KCNQ1: variants seen among roughly 807,000 people sequenced by gnomAD.
KCNQ1 encodes potassium voltage-gated channel subfamily Q member 1.
KCNQ1 carries 49 observed loss-of-function variants against 72.4 expected under a neutral mutation model. The observed-to-expected ratio is 0.68, with a 90% CI of 0.54 to 0.86. KCNQ1 has a LOEUF of 0.86. KCNQ1 is among the 40% of genes least tolerant of loss of function. The pLI is 0.00. For missense variants in KCNQ1, 790 were observed against 945.1 expected (o/e 0.84, Z 2.15); for synonymous variants, 450 against 412.6 (o/e 1.09, Z -1.10).
intron 10 of KCNQ1, among the ~76,000 whole-genome samples, chr11:2,605,048 C>T (rs762666286): frequency 2.6e-5 from 4 of 152,202 alleles, no homozygotes; most frequent in South Asian, 2.1e-4. Flanking sequence ...TGACTACTCA[C>T]GTTGAGCATC....
intron 12 of KCNQ1, among the ~76,000 whole-genome samples, chr11:2,774,543 C>A (rs979423498): frequency 1.3e-5 from 2 of 152,192 alleles, no homozygotes; most frequent in African/African-American, 2.4e-5. Flanking sequence ...TGAGGCCCAG[C>A]CTTTGGTAGG....
intron 10 of KCNQ1, chr11:2,643,882 C>G (rs984883517): frequency 4.0e-5 from 16 of 398,410 alleles, no homozygotes; most frequent in African/African-American, 2.3e-4. Context: ...TCCTGGCTGG[C>G]AGGTTTTTGG....
At position 2,624,735 on chromosome 11, in the gene KCNQ1, T is replaced by C. The variant is rs191695456; in HGVS notation, c.1393+35881T>C. ...AACTCTATATCCATTAAACAATAAT[T>C]CCCCAACCCCCCCACCACCGCCATC... On this transcript the variant is annotated intron_variant, in intron 10 of 15. Coordinates refer to ENST00000155840, the MANE Select transcript of KCNQ1 (RefSeq NM_000218.3). This position sits in a 1 kb window ranked among gnomAD's most constrained non-coding sequence, Gnocchi z 4.9. 1.0e-5 allele frequency: 4 copies of C among 398,418 alleles called. No homozygotes were observed. Among genetic ancestry groups the C allele is most frequent in the Non-Finnish European group, 1.8e-5 (4 of 226,046 alleles). 24.7% of individuals were successfully genotyped at this position (398,418 alleles called of 1,614,324 possible).
intron 6 of KCNQ1, among the ~76,000 whole-genome samples, chr11:2,573,336 C>T (rs1848370436): frequency 6.6e-6 from 1 of 152,194 alleles, no homozygotes; most frequent in Non-Finnish European, 1.5e-5. Flanking sequence ...CATTCCCTGC[C>T]TCCACCGTGG....
At position 2,772,309 on chromosome 11, in the gene KCNQ1, T is replaced by A. The variant is rs946454783; in HGVS notation, c.1590+3390T>A. The stretch of plus-strand genomic sequence containing the variant: ...TCTGCCTACCTTGCTGGCTGATAAG[T>A]CCTTGGCCAACCACCCCTGTGTCTG... On this transcript the variant is annotated intron_variant, in intron 12 of 15. Transcript: ENST00000155840. The surrounding 1 kb of genome is among the most constrained non-coding windows in gnomAD (Gnocchi z 6.6). Among the ~76,000 whole-genome samples the A allele has an allele frequency of 1.1e-4, 17 of 151,992 alleles. No individual in the cohort carries two copies. The highest frequency in any genetic ancestry group is 1.5e-5 in the Non-Finnish European group (1 of 67,984).
intron 10 of KCNQ1, among the ~76,000 whole-genome samples, chr11:2,590,084 A>G (rs1848651459): frequency 6.6e-6 from 1 of 152,146 alleles, no homozygotes; most frequent in South Asian, 2.1e-4. Flanking sequence ...AAACTGCCAA[A>G]TTCTCTAGCA....
chr11:2,783,789 T>C lies in KCNQ1; in HGVS notation c.1794+5752T>C, dbSNP rs1846866188. On this transcript the variant is annotated intron_variant, in intron 15 of 15. Coordinates refer to ENST00000155840, the MANE Select transcript of KCNQ1 (RefSeq NM_000218.3). The surrounding 1 kb of genome is among the most constrained non-coding windows in gnomAD (Gnocchi z 5.2). ...TTTTCATGTGCTTATTAGCCATTCA[T>C]AGTCTTCTTTGGTGAAATGTTTATT... 6.6e-6 allele frequency among the ~76,000 whole-genome samples: 1 copy of C among 152,084 alleles called. No individual in the cohort carries two copies. The highest frequency in any genetic ancestry group is 1.5e-5 in the Non-Finnish European group (1 of 67,900).
chr11:2,510,296 T>A (rs948918051), intron 1 of KCNQ1, among the ~76,000 whole-genome samples: 18 of 151,430 alleles, frequency 1.2e-4, no homozygotes, highest in East Asian at 2.0e-4. Flanking sequence ...AAAAAATTTT[T>A]AAATAAATAA....
rs573463316 is a variant in KCNQ1, at chr11:2,787,301, G to A, written c.1794+9264G>A. Among the ~76,000 whole-genome samples the A allele has an allele frequency of 1.1e-4, 17 of 152,286 alleles. No individual in the cohort carries two copies. The highest frequency in any genetic ancestry group is 4.1e-4 in the African/African-American group (17 of 41,572). Reference sequence around the variant, plus strand: ...CCTCACAATGAAAGCAGAGCCCTTTGAGGGTCCCAGCTTTGTGTAAGTCTC... The same window carrying A: ...CCTCACAATGAAAGCAGAGCCCTTTAAGGGTCCCAGCTTTGTGTAAGTCTC... On this transcript the variant is annotated intron_variant, in intron 15 of 15. Transcript: ENST00000155840. This position sits in a 1 kb window ranked among gnomAD's most constrained non-coding sequence, Gnocchi z 6.3.
At chr11:2,791,865 G>A (rs1404880796) in intron 15 of KCNQ1, among the ~76,000 whole-genome samples, 1 of 152,230 alleles carries the variant, frequency 6.6e-6, no homozygotes, top group Admixed American at 6.5e-5. Flanking sequence ...CCTCACTTTG[G>A]ACGGTGGCGT....
Position 2,603,991 on chromosome 11 carries a change from C to T in KCNQ1, c.1393+15137C>T, listed in dbSNP as rs1848844125. Among the ~76,000 whole-genome samples the T allele has an allele frequency of 6.6e-6, 1 of 152,090 alleles. No individual in the cohort carries two copies. The highest frequency in any genetic ancestry group is 2.4e-5 in the African/African-American group (1 of 41,418). On this transcript the variant is annotated intron_variant, in intron 10 of 15. Coordinates refer to ENST00000155840, the MANE Select transcript of KCNQ1 (RefSeq NM_000218.3). The surrounding 1 kb of genome is among the most constrained non-coding windows in gnomAD (Gnocchi z 4.1). ...CAGGCGTGAGCCACTGCACCCGGCCCTTGTGCTTCATTCTTTTATGAATGA... is the reference window on the plus strand; with the variant it reads ...CAGGCGTGAGCCACTGCACCCGGCCTTTGTGCTTCATTCTTTTATGAATGA...
At position 2,494,676 on chromosome 11, in the gene KCNQ1, C is replaced by A. The variant is rs1846882082; in HGVS notation, c.387-33252C>A. On this transcript the variant is annotated intron_variant, in intron 1 of 15. Transcript: ENST00000155840. The surrounding 1 kb of genome is among the most constrained non-coding windows in gnomAD (Gnocchi z 4.6). ...TACATATGTTGAATCAGCCTTGCAT[C>A]CCAGGGATGAAGCCCACTTGATCAC... 6.6e-6 allele frequency among the ~76,000 whole-genome samples: 1 copy of A among 152,180 alleles called. No homozygotes were observed. The highest frequency in any genetic ancestry group is 1.5e-5 in the Non-Finnish European group (1 of 68,030).
intron 11 of KCNQ1, 103 bp downstream of exon 11, chr11:2,662,184 C>G: frequency 6.7e-7 from 1 of 1,503,684 alleles, no homozygotes; most frequent in South Asian, 1.2e-5. Context: ...AGAGTGCTAT[C>G]TACTCGCCTA....
chr11:2,711,101 A>G lies in KCNQ1; in HGVS notation c.1514+49020A>G, dbSNP rs1313514495. Among the ~76,000 whole-genome samples, 4 of 152,242 alleles carry G rather than the reference A, an allele frequency of 2.6e-5. No individual in the cohort carries two copies. The highest frequency in any genetic ancestry group is 4.4e-5 in the Non-Finnish European group (3 of 68,042). Reference sequence around the variant, plus strand: ...TCTTAACAATGTGTTAAGTCTTCCAATCCAAGAGCATGTATTTCATTGTAT... The same window carrying G: ...TCTTAACAATGTGTTAAGTCTTCCAGTCCAAGAGCATGTATTTCATTGTAT... On this transcript the variant is annotated intron_variant, in intron 11 of 15. Coordinates refer to ENST00000155840, the MANE Select transcript of KCNQ1 (RefSeq NM_000218.3). The surrounding 1 kb of genome is among the most constrained non-coding windows in gnomAD (Gnocchi z 5.4).
In KCNQ1 at chr11:2,740,018, T is replaced by C. The variant is rs368061819; in HGVS notation, c.1515-28826T>C. The stretch of plus-strand genomic sequence containing the variant: ...GGCTCCTTGTGGAGCTGTGCGGAGC[T>C]GGCCGGCCTGGTCCCCGTGGCTTCA... On this transcript the variant is annotated intron_variant, in intron 11 of 15. Transcript: ENST00000155840. 2.8e-4 allele frequency among the ~76,000 whole-genome samples: 42 copies of C among 152,240 alleles called. 1 individual carries two copies. The highest frequency in any genetic ancestry group is 9.9e-4 in the African/African-American group (41 of 41,464).
chr11:2,573,766 G>A (rs1848376825), intron 6 of KCNQ1, among the ~76,000 whole-genome samples: 1 of 152,242 alleles, frequency 6.6e-6, no homozygotes, highest in Non-Finnish European at 1.5e-5. Flanking sequence ...GGAGGGGTGG[G>A]GCAGGGTGTC....
rs1010391273 is a variant in KCNQ1, at chr11:2,483,831, T to G, written c.386+38347T>G. On this transcript the variant is annotated intron_variant, in intron 1 of 15. Coordinates refer to ENST00000155840, the MANE Select transcript of KCNQ1 (RefSeq NM_000218.3). The surrounding 1 kb of genome is among the most constrained non-coding windows in gnomAD (Gnocchi z 6.1). ...GTCAGCTGGGCTTCTCAGCTGTAAATTAACCATTTTCCGCTTCATAATTAG... is the reference window on the plus strand; with the variant it reads ...GTCAGCTGGGCTTCTCAGCTGTAAAGTAACCATTTTCCGCTTCATAATTAG... 2.0e-5 allele frequency among the ~76,000 whole-genome samples: 3 copies of G among 152,136 alleles called. No individual in the cohort carries two copies. Among genetic ancestry groups the G allele is most frequent in the African/African-American group, 7.2e-5 (3 of 41,426 alleles).
Position 2,491,672 on chromosome 11 carries a change from CAT to C in KCNQ1, c.387-36254_387-36253del, listed in dbSNP as rs1464603336. Among the ~76,000 whole-genome samples the C allele has an allele frequency of 6.6e-6, 1 of 152,106 alleles. No individual in the cohort carries two copies. The highest frequency in any genetic ancestry group is 1.5e-5 in the Non-Finnish European group (1 of 68,016). Reference sequence around the variant, plus strand: ...GAAAGCTTATTCAAAGGGATACTAACATAGAACTTCCCAAACCTAGAGAAAGA... The same window carrying C: ...GAAAGCTTATTCAAAGGGATACTAACAGAACTTCCCAAACCTAGAGAAAGA... On this transcript the variant is annotated intron_variant, in intron 1 of 15. Transcript: ENST00000155840. This position sits in a 1 kb window ranked among gnomAD's most constrained non-coding sequence, Gnocchi z 4.1.
chr11:2,558,647 C>T (rs975188671), intron 2 of KCNQ1, among the ~76,000 whole-genome samples: 6 of 152,210 alleles, frequency 3.9e-5, no homozygotes, highest in Admixed American at 2.0e-4. Flanking sequence ...CCCACCCCGC[C>T]GGCTTGCGCA....
Sources: allele counts gnomAD v4.1 joint callset (sites outside exome capture counted in the v4.1 genomes callset), GRCh38; gene constraint gnomAD v4.1.1; non-coding constraint Gnocchi (gnomAD v3.1); transcripts MANE v1.5; gene names NCBI Gene and HGNC (gene_info 2026-07-23, HGNC 2026-07-21).